ZSWIM3: variants seen among roughly 807,000 people sequenced by gnomAD.
ZSWIM3 encodes zinc finger SWIM domain-containing protein 3.
A neutral mutation model predicts 47.5 loss-of-function variants in ZSWIM3; 27 were observed. The ratio of observed to expected loss-of-function variants is 0.57; its 90% CI spans 0.42 to 0.78. The LOEUF (loss-of-function observed/expected upper bound fraction) is 0.78. Ranked by LOEUF, ZSWIM3 falls within the 30% of genes least tolerant of loss-of-function variation. The probability of loss-of-function intolerance (pLI) is 0.00; values close to 1 mark genes in which losing one functional copy is unlikely to be tolerated. For synonymous variants in ZSWIM3, 333 were observed against 333.9 expected (o/e 1.00, Z 0.03); for missense variants, 689 against 861.3 (o/e 0.80, Z 2.50).
Position 45,877,250 on chromosome 20 carries a change from G to A in ZSWIM3, c.692G>A (p.Gly231Asp), listed in dbSNP as rs1568749683. 2 of 1,614,114 alleles carry A rather than the reference G, an allele frequency of 1.2e-6. No homozygotes were observed. The highest frequency in any genetic ancestry group is 1.7e-6 in the Non-Finnish European group (2 of 1,180,022). ...CTACACCGGGTGGAGAACACCCAGGGCCACATCCTCTATGCTTTCTTGGTG... is the reference window on the plus strand; with the variant it reads ...CTACACCGGGTGGAGAACACCCAGGACCACATCCTCTATGCTTTCTTGGTG... The part of the protein sequence containing the change: ...LLLHRVENTQ[G>D]HILYAFLVEN... The change falls in exon 2 of 2, where the codon GGC becomes GAC. Residue 231 changes from glycine to aspartate, a missense_variant. Physicochemically the swap from Gly to Asp is moderately conservative, Grantham distance 94 (BLOSUM62 -1). Transcript: ENST00000255152.
At chr20:45,858,108 C>A in intron 1 of ZSWIM3, 128 bp downstream of exon 1, 1 of 981,944 alleles carries the variant, frequency 1.0e-6, no homozygotes, top group Non-Finnish European at 1.5e-6. Context: ...AACAGGCACT[C>A]ATTGAGCACC....
At chr20:45,867,653 T>A (rs1421959097) in intron 1 of ZSWIM3, among the ~76,000 whole-genome samples, 1 of 152,232 alleles carries the variant, frequency 6.6e-6, no homozygotes, top group Non-Finnish European at 1.5e-5. Flanking sequence ...GCCTCCACTT[T>A]CATTTTTCTT....
At chr20:45,876,078 C>G (rs1320052529) in intron 1 of ZSWIM3, among the ~76,000 whole-genome samples, 1 of 150,992 alleles carries the variant, frequency 6.6e-6, no homozygotes, top group Non-Finnish European at 1.5e-5. Context: ...AGTTTGCTCT[C>G]GTTGCCCAGG....
chr20:45,858,132 G>T, intron 1 of ZSWIM3, 152 bp downstream of exon 1: 2 of 840,686 alleles, frequency 2.4e-6, no homozygotes, highest in South Asian at 3.4e-5. Context: ...TGTGTGCCTT[G>T]TGAAGAGAGC....
intron 1 of ZSWIM3, among the ~76,000 whole-genome samples, chr20:45,864,226 C>T (rs767303871): frequency 6.6e-6 from 1 of 152,130 alleles, no homozygotes; most frequent in African/African-American, 2.4e-5. Flanking sequence ...AGGACAATAG[C>T]GGACTGAGAT....
intron 1 of ZSWIM3, among the ~76,000 whole-genome samples, chr20:45,859,426 A>G (rs1384889139): frequency 1.2e-5 from 1 of 83,182 alleles, no homozygotes; most frequent in African/African-American, 4.1e-5. Context: ...GAATGTGGAA[A>G]AAAAAAAAAA....
At chr20:45,861,104 G>C (rs1985696765) in intron 1 of ZSWIM3, among the ~76,000 whole-genome samples, 2 of 151,904 alleles carry the variant, frequency 1.3e-5, no homozygotes, top group African/African-American at 4.8e-5. Flanking sequence ...TGAGATCCCC[G>C]TCTCCACAAA....
At position 45,864,583 on chromosome 20, in the gene ZSWIM3, C is replaced by T. The variant is rs117001050; in HGVS notation, c.155+6603C>T. 6.6e-5 allele frequency among the ~76,000 whole-genome samples: 10 copies of T among 152,360 alleles called. No individual in the cohort carries two copies. The East Asian group carries it at 1.7e-3, about 26-fold the overall frequency. Reference sequence around the variant, plus strand: ...GAACTAATTTAAAGAAAACCATTTACAGCTGGATGTTGCTCACGCCTATAA... The same window carrying T: ...GAACTAATTTAAAGAAAACCATTTATAGCTGGATGTTGCTCACGCCTATAA... On this transcript the variant is annotated intron_variant, in intron 1 of 1. Transcript: ENST00000255152.
Position 45,878,376 on chromosome 20 carries a change from C to T in ZSWIM3, c.1818C>T (p.Asn606=), listed in dbSNP as rs1456483601. ...TCCAGGATCGTGGTATGGTCCCAAA[C>T]ACAGGCCAGCCTGAGAAGCAAGGAC... is the stretch of plus-strand genomic sequence containing the variant. ...GELQDRGMVP[N]TGQPEKQGRN... The change falls in exon 2 of 2, where the codon AAC becomes AAT. Residue 606 remains asparagine, a synonymous_variant. Transcript: ENST00000255152. 1.2e-6 allele frequency: 2 copies of T among 1,614,114 alleles called. No homozygotes were observed. Among genetic ancestry groups the T allele is most frequent in the Non-Finnish European group, 1.7e-6 (2 of 1,180,048 alleles).
At chr20:45,864,733 C>T (rs1278578465) in intron 1 of ZSWIM3, among the ~76,000 whole-genome samples, 2 of 152,022 alleles carry the variant, frequency 1.3e-5, no homozygotes, top group East Asian at 1.9e-4. Context: ...CGGTGATGGG[C>T]ATCTATAATC....
intron 1 of ZSWIM3, among the ~76,000 whole-genome samples, chr20:45,864,732 G>C (rs1467473707): frequency 6.6e-6 from 1 of 152,052 alleles, no homozygotes; most frequent in South Asian, 2.1e-4. Flanking sequence ...ACGGTGATGG[G>C]CATCTATAAT....
At chr20:45,863,212 G>A (rs1445582736) in intron 1 of ZSWIM3, among the ~76,000 whole-genome samples, 3 of 141,004 alleles carry the variant, frequency 2.1e-5, no homozygotes, top group African/African-American at 8.3e-5. Context: ...TTTGTTTTTT[G>A]CAGTTGTTAA....
At chr20:45,876,598 C>T in intron 1 of ZSWIM3, 116 bp from the exon 2 acceptor site, 1 of 1,311,710 alleles carries the variant, frequency 7.6e-7, no homozygotes, top group African/African-American at 1.5e-5. Flanking sequence ...CTCAGCCTCC[C>T]AAAGTGCTGG....
rs1239943346 is a variant in ZSWIM3 at position 45,878,525 on chromosome 20, C to T, written c.1967C>T (p.Ser656Phe). The T allele has an allele frequency of 2.5e-6, 4 of 1,614,122 alleles. No homozygotes were observed. The highest frequency in any genetic ancestry group is 1.7e-6 in the Non-Finnish European group (2 of 1,180,054). Residue 656 changes from serine (S) to phenylalanine (F), a missense_variant, in exon 2 of 2, where the codon TCC (serine) becomes TTC (phenylalanine). Coordinates refer to ENST00000255152, the MANE Select transcript of ZSWIM3 (RefSeq NM_080752.4). ...RKIVDIWAGP[S>F]QPSELFQQPG... The stretch of plus-strand genomic sequence containing the variant: ...ATTGTGGATATCTGGGCTGGCCCCT[C>T]CCAGCCATCTGAGCTCTTTCAGCAG...
chr20:45,870,941 T>C (rs1985961797), intron 1 of ZSWIM3, among the ~76,000 whole-genome samples: 1 of 152,114 alleles, frequency 6.6e-6, no homozygotes, highest in Admixed American at 6.6e-5. Context: ...GTGATCCACC[T>C]ACCTTGGCCT....
rs377639168 is a variant in ZSWIM3 at position 45,878,056 on chromosome 20, C to A, written c.1498C>A (p.Gln500Lys). Residue 500 changes from glutamine to lysine, a missense_variant, in exon 2 of 2, where the codon CAG becomes AAG. Transcript: ENST00000255152. ...GGTTGGCATGCTGGACACCTTGCAC[C>A]AGAGTGGCTCTGAACTAGCCTACAA... ...SQVGMLDTLHQSGSELAYKLC... is the reference protein window; with the variant it reads ...SQVGMLDTLHKSGSELAYKLC... The A allele has an allele frequency of 6.2e-7, 1 of 1,614,166 alleles. No individual in the cohort carries two copies. The highest frequency in any genetic ancestry group is 8.5e-7 in the Non-Finnish European group (1 of 1,180,018).
chr20:45,877,149 C>T lies in ZSWIM3; in HGVS notation c.591C>T (p.Ser197=), dbSNP rs751800443. Residue 197 remains serine, a synonymous_variant, in exon 2 of 2, where the codon AGC becomes AGT. Coordinates refer to ENST00000255152, the MANE Select transcript of ZSWIM3 (RefSeq NM_080752.4). ...TGGCTTCCTTCAGTGTGGGTGACAGCCAGCACCTGGACCGGCTCAGCTTCC... is the reference window on the plus strand; with the variant it reads ...TGGCTTCCTTCAGTGTGGGTGACAGTCAGCACCTGGACCGGCTCAGCTTCC... ...GSMASFSVGD[S]QHLDRLSFQS... 1.2e-6 allele frequency: 2 copies of T among 1,614,028 alleles called. No individual in the cohort carries two copies. Among genetic ancestry groups the T allele is most frequent in the African/African-American group, 1.3e-5 (1 of 74,906 alleles).
At position 45,857,643 on chromosome 20, in the gene ZSWIM3, T is replaced by G. The variant is rs2145782455; in HGVS notation, c.-183T>G. On this transcript the variant is annotated 5_prime_UTR_variant, in exon 1 of 2. Coordinates refer to ENST00000255152, the MANE Select transcript of ZSWIM3 (RefSeq NM_080752.4). The stretch of plus-strand genomic sequence containing the variant: ...GATAGCAAATACACCCCCTTCCTCT[T>G]GTAACCCGGTCAGGCCTAGGGTTCC... 1 of 745,690 alleles carries G rather than the reference T, an allele frequency of 1.3e-6. No individual in the cohort carries two copies. Among genetic ancestry groups the G allele is most frequent in the East Asian group, 2.5e-5 (1 of 40,134 alleles). The allele number at this position is 745,690 out of a possible 1,614,324, so 46.2% of individuals were successfully genotyped here.
Position 45,877,430 on chromosome 20 carries a change from G to A in ZSWIM3, c.872G>A (p.Arg291Gln), listed in dbSNP as rs764070928. The A allele has an allele frequency of 1.1e-5, 18 of 1,613,996 alleles. No individual in the cohort carries two copies. Among genetic ancestry groups the A allele is most frequent in the South Asian group, 4.4e-5 (4 of 91,070 alleles). The change falls in exon 2 of 2, where the codon CGG becomes CAG. Residue 291 changes from arginine (R) to glutamine (Q), a missense_variant. Arg to Gln is a conservative substitution (Grantham distance 43). Coordinates refer to ENST00000255152, the MANE Select transcript of ZSWIM3 (RefSeq NM_080752.4). ...TTTGTGGACCCTTCATTCCATTACC[G>A]GGCTATCCTGCAGGAGATCTTTCCT... is the stretch of plus-strand genomic sequence containing the variant. ...VVFVDPSFHY[R>Q]AILQEIFPAA...
Sources: gnomAD v4.1 joint callset for allele counts (sites outside exome capture counted in the v4.1 genomes callset) on GRCh38, gnomAD v4.1.1 for gene constraint, MANE v1.5 for transcripts, NCBI Gene and HGNC (gene_info 2026-07-23, HGNC 2026-07-21) for gene names.